Variants in MLLT6 observed in about 807,000 individuals in gnomAD.
MLLT6 encodes MLLT6, PHD finger containing.
A neutral mutation model predicts 103.0 loss-of-function variants in MLLT6; 22 were observed. The observed-to-expected ratio is 0.21, with a 90% confidence interval of 0.15 to 0.31. The LOEUF (loss-of-function observed/expected upper bound fraction) is 0.31. Ranked by LOEUF, MLLT6 falls within the 10% of genes least tolerant of loss-of-function variation. The pLI is 1.00. For synonymous variants in MLLT6, 606 were observed against 623.5 expected (o/e 0.97, Z 0.42); for missense variants, 1,199 against 1,441.7 (o/e 0.83, Z 2.73).
chr17:38,728,845 G>A lies in MLLT6; in HGVS notation c.*3247G>A, dbSNP rs981850765. The A allele has an allele frequency of 3.8e-5, 9 of 233,916 alleles. No individual in the cohort carries two copies. Among genetic ancestry groups the A allele is most frequent in the African/African-American group, 8.8e-5 (4 of 45,354 alleles). The allele number at this position is 233,916 out of a possible 1,614,324, so 14.5% of individuals were successfully genotyped here. A position where few individuals can be genotyped will look rare whatever the true frequency, so the allele number is the denominator to read the frequency against. ...GGAGGGTGTCTATGTGGCACTGACT[G>A]TCTTAGCTCAGAGCTGGTGGATCCT... On this transcript the variant is annotated 3_prime_UTR_variant, in exon 20 of 20. Coordinates refer to ENST00000621332, the MANE Select transcript of MLLT6 (RefSeq NM_005937.4).
At chr17:38,712,401 G>A (rs1400737618) in intron 7 of MLLT6, among the ~76,000 whole-genome samples, 2 of 152,206 alleles carry the variant, frequency 1.3e-5, no homozygotes, top group Non-Finnish European at 2.9e-5. Context: ...CTGTGTCCCA[G>A]GTGGACACCC....
At chr17:38,715,036 G>C (rs1269628099) in intron 8 of MLLT6, among the ~76,000 whole-genome samples, 1 of 152,228 alleles carries the variant, frequency 6.6e-6, no homozygotes, top group African/African-American at 2.4e-5. Flanking sequence ...TTTAAAGGAT[G>C]AGAGATTTCC....
rs372562587 is a variant in MLLT6, at chr17:38,707,821, C to G, written c.303C>G (p.Leu101=). 2.5e-6 allele frequency: 4 copies of G among 1,613,806 alleles called. No individual in the cohort carries two copies. The highest frequency in any genetic ancestry group is 2.5e-6 in the Non-Finnish European group (3 of 1,179,908). The change falls in exon 4 of 20, where the codon CTC becomes CTG. Residue 101 remains leucine, a synonymous_variant. Transcript: ENST00000621332. ...YIPEVQFANV[L]TMEPIVLQYV... ...CCGAGGTGCAATTTGCCAACGTGCT[C>G]ACCATGGAGCCCATCGTGCTGCAGT...
At chr17:38,720,135 C>T (rs1336868112) in intron 14 of MLLT6, 3 of 698,066 alleles carry the variant, frequency 4.3e-6, no homozygotes, top group Admixed American at 5.9e-5. Context: ...CCGCAACTTC[C>T]GCCCTTCTCT....
In MLLT6 at chr17:38,720,479, G is replaced by A. The variant is rs140079089; in HGVS notation, c.2263G>A (p.Val755Met). The stretch of plus-strand genomic sequence containing the variant: ...AAAGGAGCGGCTGCAGATTCTCAAC[G>A]TGCAGCTCTCTGTGCCCTTCCCTGC... ...AKKERLQILN[V>M]QLSVPFPALP... Residue 755 changes from valine to methionine, a missense_variant, in exon 15 of 20, where the codon GTG becomes ATG. By Grantham distance (21) the Val-to-Met change is conservative (BLOSUM62 1). Coordinates refer to ENST00000621332, the MANE Select transcript of MLLT6 (RefSeq NM_005937.4). 10 of 1,612,774 alleles carry A rather than the reference G, an allele frequency of 6.2e-6. No homozygotes were observed. The Admixed American group carries it at 1.0e-4, about 16-fold the overall frequency.
intron 8 of MLLT6, chr17:38,714,483 G>C (rs1011493330): frequency 2.6e-5 from 4 of 152,224 alleles, no homozygotes; most frequent in African/African-American, 9.7e-5. Flanking sequence ...CACGCCTGTA[G>C]TCCCAGCACT....
rs942605281 is a variant in MLLT6, at chr17:38,716,992, C to G, written c.1651+11C>G. 1.9e-6 allele frequency: 3 copies of G among 1,612,482 alleles called. No homozygotes were observed. The African/African-American group carries it at 4.0e-5, about 22-fold the overall frequency. On this transcript the variant is annotated intron_variant, in intron 10 of 19. Transcript: ENST00000621332. This position sits in a 1 kb window ranked among gnomAD's most constrained non-coding sequence, Gnocchi z 5.6. Reference sequence around the variant, plus strand: ...CCTTACTAGGGGCAGGTTAGTGACCCCTGGGGACAGAGGGCATTTCAGGGC... The same window carrying G: ...CCTTACTAGGGGCAGGTTAGTGACCGCTGGGGACAGAGGGCATTTCAGGGC...
At chr17:38,720,335 C>T (rs1443574308) in intron 14 of MLLT6, 37 bp from the exon 15 acceptor site, 3 of 1,504,548 alleles carry the variant, frequency 2.0e-6, no homozygotes, top group Admixed American at 1.8e-5. Flanking sequence ...GCCTCCGCCC[C>T]CTCGCCCCTC....
intron 16 of MLLT6, among the ~76,000 whole-genome samples, chr17:38,721,340 A>C (rs190275523): frequency 1.3e-5 from 2 of 152,252 alleles, no homozygotes; most frequent in East Asian, 3.9e-4. Context: ...CCTATGCAAA[A>C]ATTTTTTAAA....
chr17:38,728,416 G>A lies in MLLT6; in HGVS notation c.*2818G>A, dbSNP rs758376995. The A allele has an allele frequency of 1.7e-5, 4 of 233,294 alleles. No homozygotes were observed. Among genetic ancestry groups the A allele is most frequent in the African/African-American group, 6.6e-5 (3 of 45,352 alleles). The allele number at this position is 233,294 out of a possible 1,614,324, so 14.5% of individuals were successfully genotyped here. ...AGGGGAAGGATGTGGTTTGCAGAGCGGAAGCAGAGTTTGGAAACGCATGAG... is the reference window on the plus strand; with the variant it reads ...AGGGGAAGGATGTGGTTTGCAGAGCAGAAGCAGAGTTTGGAAACGCATGAG... On this transcript the variant is annotated 3_prime_UTR_variant, in exon 20 of 20. Coordinates refer to ENST00000621332, the MANE Select transcript of MLLT6 (RefSeq NM_005937.4).
intron 17 of MLLT6, 24 bp from the exon 18 acceptor site, chr17:38,722,654 C>T (rs764360437): frequency 2.2e-6 from 1 of 458,048 alleles, no homozygotes; most frequent in Non-Finnish European, 4.1e-6. Flanking sequence ...GTTGTCCCCC[C>T]CCCACCCCCC....
chr17:38,726,371 A>ATGTGTGTGTGTGTG lies in MLLT6; in HGVS notation c.*791_*804dup, dbSNP rs370611684. 6 of 224,644 alleles carry ATGTGTGTGTGTGTG rather than the reference A, an allele frequency of 2.7e-5. No individual in the cohort carries two copies. The highest frequency in any genetic ancestry group is 6.9e-5 in the African/African-American group (3 of 43,194). 13.9% of individuals were successfully genotyped at this position (224,644 alleles called of 1,614,324 possible). On this transcript the variant is annotated 3_prime_UTR_variant, in exon 20 of 20. Transcript: ENST00000621332. The stretch of plus-strand genomic sequence containing the variant: ...AGTGTGTGAGTGTGTGTGTGCGTGC[A>ATGTGTGTGTGTGTG]TGTGTGTGTGTGTGTGTGTGTGTGT...
chr17:38,711,866 G>A lies in MLLT6; in HGVS notation c.572G>A (p.Ser191Asn). The A allele has an allele frequency of 1.3e-6, 2 of 1,583,374 alleles. No individual in the cohort carries two copies. Among genetic ancestry groups the A allele is most frequent in the Non-Finnish European group, 1.7e-6 (2 of 1,165,070 alleles). ...FSKMKTSRHS[S>N]GGGGGGAGGG... is the part of the protein sequence containing the mutation. ...CCGCAGAAGACATCCCGGCACAGCA[G>A]CGGGGGAGGCGGAGGAGGCGCTGGA... Residue 191 changes from serine to asparagine, a missense_variant, in exon 7 of 20, where the codon AGC (serine) becomes AAC (asparagine). By Grantham distance (46) the Ser-to-Asn change is conservative. Transcript: ENST00000621332.
At chr17:38,718,062 C>G in intron 12 of MLLT6, 109 bp downstream of exon 12, 1 of 752,888 alleles carries the variant, frequency 1.3e-6, no homozygotes, top group South Asian at 1.7e-5. Flanking sequence ...CCCCCTCCCT[C>G]TGGCCATTGC....
At chr17:38,720,026 G>C in intron 14 of MLLT6, 131 bp downstream of exon 14, 1 of 1,272,120 alleles carries the variant, frequency 7.9e-7, no homozygotes, top group Non-Finnish European at 1.1e-6. Flanking sequence ...CGGCCACCCC[G>C]GGCCTCACCT....
intron 6 of MLLT6, among the ~76,000 whole-genome samples, chr17:38,711,157 CTTAGAG>C (rs993501752): frequency 2.0e-4 from 30 of 152,204 alleles, no homozygotes; most frequent in African/African-American, 7.2e-4. Flanking sequence ...AGCTGGTGAC[CTTAGAG>C]GGAGCAGCTA....
At chr17:38,707,911 C>A in intron 4 of MLLT6, 39 bp downstream of exon 4, 2 of 1,257,264 alleles carry the variant, frequency 1.6e-6, no homozygotes, top group Non-Finnish European at 2.3e-6. Context: ...CAGTTCCCTC[C>A]CATCTATGGG....
Position 38,712,683 on chromosome 17 carries a change from C to T in MLLT6, c.721-8C>T. 6.2e-7 allele frequency: 1 copy of T among 1,605,050 alleles called. No homozygotes were observed. The highest frequency in any genetic ancestry group is 1.1e-5 in the South Asian group (1 of 90,892). On this transcript the variant is annotated splice_region_variant and splice_polypyrimidine_tract_variant and intron_variant, in intron 7 of 19. Coordinates refer to ENST00000621332, the MANE Select transcript of MLLT6 (RefSeq NM_005937.4). ...CAGCACAATATCTAGTCACCTCTCC[C>T]TCTCCAGAGTCGAAAGGACAAAGAA... is the stretch of plus-strand genomic sequence containing the variant.
At chr17:38,717,010 T>G in intron 10 of MLLT6, 29 bp downstream of exon 10, 1 of 1,610,238 alleles carries the variant, frequency 6.2e-7, no homozygotes, top group Non-Finnish European at 8.5e-7. Flanking sequence ...CAGAGGGCAT[T>G]TCAGGGCCCA....
Sources: gnomAD v4.1 joint callset for allele counts (sites outside exome capture counted in the v4.1 genomes callset) on GRCh38, gnomAD v4.1.1 for gene constraint, Gnocchi (gnomAD v3.1) non-coding constraint, MANE v1.5 for transcripts, NCBI Gene and HGNC (gene_info 2026-07-23, HGNC 2026-07-21) for gene names.